The following PPARGC1A variants were observed in gnomAD, a reference collection of about 807,000 sequenced individuals.
PPARGC1A encodes the protein peroxisome proliferator-activated receptor gamma coactivator 1-alpha.
In PPARGC1A, 25 loss-of-function variants were observed where a neutral mutation model predicts 88.7. The observed-to-expected ratio is 0.28, with a 90% confidence interval of 0.21 to 0.39. PPARGC1A has a LOEUF of 0.39. PPARGC1A is among the 10% of genes least tolerant of loss of function. The probability of loss-of-function intolerance (pLI) is 1.00; values close to 1 mark genes in which losing one functional copy is unlikely to be tolerated. For missense variants in PPARGC1A, 880 were observed against 968.7 expected, an observed-to-expected ratio of 0.91 and a Z score of 1.22; for synonymous variants, 363 against 355.6, an observed-to-expected ratio of 1.02 and a Z score of -0.24.
the PPARGC1A span, among the ~76,000 whole-genome samples, chr4:24,449,119 G>A: frequency 4.6e-5 from 7 of 152,232 alleles, no homozygotes; most frequent in South Asian, 6.2e-4. Flanking sequence ...ACTCACCAAC[G>A]AAGGCAGTTT....
chr4:23,937,229 T>C, the PPARGC1A span, among the ~76,000 whole-genome samples: 1 of 152,010 alleles, frequency 6.6e-6, no homozygotes. Context: ...GCTTTCATGG[T>C]AGTTTTACAA....
chr4:23,799,984 C>A (rs774805153), intron 12 of PPARGC1A, among the ~76,000 whole-genome samples: 2 of 152,194 alleles, frequency 1.3e-5, no homozygotes, highest in African/African-American at 2.4e-5. Flanking sequence ...TCATCCCTAG[C>A]CTGCTATCTC....
At position 23,802,948 on chromosome 4, in the gene PPARGC1A, A is replaced by G. The variant is rs540349819; in HGVS notation, c.2020-603T>C. ...GATGAACTTGATGTGTTAGAAAAGAAATCTGTATAGTGCATTCTTTTTTCA... is the reference window on the plus strand; with the variant it reads ...GATGAACTTGATGTGTTAGAAAAGAGATCTGTATAGTGCATTCTTTTTTCA... On this transcript the variant is annotated intron_variant, in intron 10 of 12. Coordinates refer to ENST00000264867, the MANE Select transcript of PPARGC1A (RefSeq NM_013261.5). Among the ~76,000 whole-genome samples the G allele has an allele frequency of 6.7e-4, 102 of 152,304 alleles. No individual in the cohort carries two copies. In the Middle Eastern group the frequency reaches 0.017, roughly 25 times the overall value.
the PPARGC1A span, among the ~76,000 whole-genome samples, chr4:24,027,713 C>A: frequency 6.6e-6 from 1 of 152,100 alleles, no homozygotes; most frequent in Non-Finnish European, 1.5e-5. Flanking sequence ...ATGATCAGTA[C>A]CATGTCCAAC....
At chr4:24,304,297 C>T in the PPARGC1A span, among the ~76,000 whole-genome samples, 1 of 152,184 alleles carries the variant, frequency 6.6e-6, no homozygotes, top group Non-Finnish European at 1.5e-5. Context: ...GGCCCCCAGA[C>T]TTGTTATAAC....
the PPARGC1A span, among the ~76,000 whole-genome samples, chr4:24,470,191 T>C: frequency 3.3e-5 from 5 of 151,760 alleles, no homozygotes; most frequent in East Asian, 7.8e-4. The surrounding 1 kb of genome is among the most constrained non-coding windows in gnomAD (Gnocchi z 5.8). Context: ...GCCGGGCTTG[T>C]ACCGGGTGCG....
chr4:23,976,055 G>C, the PPARGC1A span, among the ~76,000 whole-genome samples: 1 of 152,150 alleles, frequency 6.6e-6, no homozygotes, highest in African/African-American at 2.4e-5. Flanking sequence ...TTATCAGCCA[G>C]CTATTGGAGT....
rs980973074 is a variant in PPARGC1A, at chr4:23,792,123, A to G, written c.*3699T>C. 1.3e-5 allele frequency: 2 copies of G among 152,438 alleles called. No homozygotes were observed. Among genetic ancestry groups the G allele is most frequent in the African/African-American group, 4.8e-5 (2 of 41,434 alleles). The allele number at this position is 152,438 out of a possible 1,614,324, so 9.4% of individuals were successfully genotyped here. ...ATTTTCATACAATGAATAAAACCAC[A>G]ACAATACATGTAGAATTGGCAGGTG... On this transcript the variant is annotated 3_prime_UTR_variant, in exon 13 of 13. Coordinates refer to ENST00000264867, the MANE Select transcript of PPARGC1A (RefSeq NM_013261.5).
the PPARGC1A span, among the ~76,000 whole-genome samples, chr4:24,029,060 T>C: frequency 2.0e-5 from 3 of 152,130 alleles, no homozygotes; most frequent in Non-Finnish European, 4.4e-5. Flanking sequence ...CCTCAACCAA[T>C]GTTAGTTATT....
chr4:24,240,136 T>G, the PPARGC1A span, among the ~76,000 whole-genome samples: 1 of 152,194 alleles, frequency 6.6e-6, no homozygotes, highest in African/African-American at 2.4e-5. Flanking sequence ...CTTAAAAGAC[T>G]ACCCATAATT....
intron 2 of PPARGC1A, among the ~76,000 whole-genome samples, chr4:23,847,134 T>C (rs1728462605): frequency 6.6e-6 from 1 of 152,162 alleles, no homozygotes. Context: ...GAGATTCTAA[T>C]AGAAGCCAGG....
At chr4:24,061,050 G>A in the PPARGC1A span, among the ~76,000 whole-genome samples, 1 of 150,750 alleles carries the variant, frequency 6.6e-6, no homozygotes, top group African/African-American at 2.4e-5. Context: ...ATCTTTATTT[G>A]TTCTGGAAAA....
the PPARGC1A span, among the ~76,000 whole-genome samples, chr4:24,270,445 A>T: frequency 2.0e-5 from 3 of 152,162 alleles, no homozygotes; most frequent in Middle Eastern, 6.8e-3. Flanking sequence ...ACATTATTTC[A>T]TTAAATATAG....
the PPARGC1A span, among the ~76,000 whole-genome samples, chr4:24,312,500 A>C: frequency 1.3e-5 from 2 of 152,102 alleles, no homozygotes; most frequent in East Asian, 1.9e-4. Context: ...TCAACAAAGA[A>C]GACAGAGAAA....
At chr4:24,433,186 C>T in the PPARGC1A span, among the ~76,000 whole-genome samples, 4 of 152,242 alleles carry the variant, frequency 2.6e-5, no homozygotes, top group East Asian at 5.8e-4. Flanking sequence ...TTTCAGTTTC[C>T]TTCCCTGCCA....
At chr4:24,132,424 A>C in the PPARGC1A span, among the ~76,000 whole-genome samples, 1 of 152,162 alleles carries the variant, frequency 6.6e-6, no homozygotes, top group Non-Finnish European at 1.5e-5. Context: ...GGGACAATGA[A>C]TAGTGTCTCC....
At chr4:24,385,048 C>A in the PPARGC1A span, among the ~76,000 whole-genome samples, 1 of 152,286 alleles carries the variant, frequency 6.6e-6, no homozygotes, top group East Asian at 1.9e-4. Context: ...TCTCTCAGAC[C>A]ACAGTGCAAT....
At chr4:24,231,423 T>C in the PPARGC1A span, among the ~76,000 whole-genome samples, 1 of 152,138 alleles carries the variant, frequency 6.6e-6, no homozygotes, top group Non-Finnish European at 1.5e-5. Context: ...TAAGGTACTC[T>C]CCAGTCCGGT....
chr4:24,206,251 G>GA, the PPARGC1A span, among the ~76,000 whole-genome samples: 1 of 152,174 alleles, frequency 6.6e-6, no homozygotes, highest in Non-Finnish European at 1.5e-5. Context: ...GAAAGTATGA[G>GA]ACCTAAAACA....
Sources: gnomAD v4.1 joint callset for allele counts (sites outside exome capture counted in the v4.1 genomes callset) on GRCh38, gnomAD v4.1.1 for gene constraint, Gnocchi (gnomAD v3.1) non-coding constraint, MANE v1.5 for transcripts, NCBI Gene and HGNC (gene_info 2026-07-23, HGNC 2026-07-21) for gene names.